The following RBFOX3 variants were observed in gnomAD, a reference collection of about 807,000 sequenced individuals.
RBFOX3 encodes the protein RNA binding protein fox-1 homolog 3.
Under a neutral mutation model 48.7 loss-of-function variants are expected in RBFOX3, and 17 were observed. The ratio of observed to expected loss-of-function variants is 0.35; its 90% CI spans 0.24 to 0.52. RBFOX3 has a LOEUF of 0.52. Ranked by LOEUF, RBFOX3 falls within the 20% of genes least tolerant of loss-of-function variation. RBFOX3 has a pLI of 0.94. For missense variants in RBFOX3, 382 were observed against 497.5 expected (o/e 0.77, Z 2.21); for synonymous variants, 212 against 209.5 (o/e 1.01, Z -0.10).
intron 4 of RBFOX3, among the ~76,000 whole-genome samples, chr17:79,141,801 C>T (rs1039081328): frequency 2.6e-5 from 4 of 152,086 alleles, no homozygotes; most frequent in Non-Finnish European, 5.9e-5. Flanking sequence ...CGACACAGTG[C>T]CCCCCGGTCG....
chr17:79,638,597 T>C, the RBFOX3 span, among the ~76,000 whole-genome samples: 1 of 152,192 alleles, frequency 6.6e-6, no homozygotes, highest in African/African-American at 2.4e-5. Context: ...CAATCTCATG[T>C]TGAAATCTGA....
At position 79,479,038 on chromosome 17, in the gene RBFOX3, C is replaced by T. The variant is rs2078392513; in HGVS notation, c.-175+3416G>A. 6.6e-6 allele frequency among the ~76,000 whole-genome samples: 1 copy of T among 152,180 alleles called. No individual in the cohort carries two copies. The highest frequency in any genetic ancestry group is 2.4e-5 in the African/African-American group (1 of 41,438). On this transcript the variant is annotated intron_variant, in intron 2 of 14. Transcript: ENST00000693108. The surrounding 1 kb of genome is among the most constrained non-coding windows in gnomAD (Gnocchi z 5.1). ...ATGGGGAGTCTCGGTCGAAGGGCTCCTTGCCAAGGCCATTCCTGAATCAGA... is the reference window on the plus strand; with the variant it reads ...ATGGGGAGTCTCGGTCGAAGGGCTCTTTGCCAAGGCCATTCCTGAATCAGA...
intron 4 of RBFOX3, among the ~76,000 whole-genome samples, chr17:79,169,061 C>T (rs1456989198): frequency 1.3e-5 from 2 of 152,198 alleles, no homozygotes; most frequent in Non-Finnish European, 2.9e-5. Context: ...TCCAAACAGC[C>T]CCCTGGCCCT....
At chr17:79,294,238 G>A (rs540709746) in intron 3 of RBFOX3, among the ~76,000 whole-genome samples, 173 of 152,312 alleles carry the variant, frequency 1.1e-3, no homozygotes, top group African/African-American at 3.4e-3. Flanking sequence ...GAGCAAGTTC[G>A]TCAGATTAGA....
intron 3 of RBFOX3, among the ~76,000 whole-genome samples, chr17:79,301,341 T>TCC (rs1197332755): frequency 6.6e-6 from 1 of 152,208 alleles, no homozygotes; most frequent in African/African-American, 2.4e-5. Flanking sequence ...GGTGAGCGGC[T>TCC]AATAGAACAC....
the RBFOX3 span, among the ~76,000 whole-genome samples, chr17:79,656,343 G>A: frequency 2.2e-4 from 34 of 152,324 alleles, no homozygotes; most frequent in African/African-American, 7.7e-4. Context: ...GCCGGGCACG[G>A]TGGCTCACAC....
At chr17:79,359,083 C>T (rs937889912) in intron 2 of RBFOX3, among the ~76,000 whole-genome samples, 7 of 152,194 alleles carry the variant, frequency 4.6e-5, no homozygotes, top group African/African-American at 1.7e-4. Flanking sequence ...ATCAACACAT[C>T]CTGTAATCCT....
chr17:79,178,109 G>C (rs1188052013), intron 4 of RBFOX3, among the ~76,000 whole-genome samples: 1 of 152,180 alleles, frequency 6.6e-6, no homozygotes, highest in Non-Finnish European at 1.5e-5. Flanking sequence ...TCACTGCCGG[G>C]CTCCTACGGG....
At chr17:79,231,768 C>T (rs1406083457) in intron 4 of RBFOX3, among the ~76,000 whole-genome samples, 1 of 152,154 alleles carries the variant, frequency 6.6e-6, no homozygotes, top group Non-Finnish European at 1.5e-5. Flanking sequence ...AAACCATAAA[C>T]CATTGATGAA....
At chr17:79,639,931 C>T in the RBFOX3 span, among the ~76,000 whole-genome samples, 1 of 152,194 alleles carries the variant, frequency 6.6e-6, no homozygotes, top group Non-Finnish European at 1.5e-5. Flanking sequence ...AGGATGCCCA[C>T]TCCCATCATT....
intron 2 of RBFOX3, among the ~76,000 whole-genome samples, chr17:79,406,142 G>A (rs1380867820): frequency 6.6e-6 from 1 of 152,154 alleles, no homozygotes; most frequent in African/African-American, 2.4e-5. Context: ...CAGAGCTGTT[G>A]GGAACATGCC....
At chr17:79,475,742 G>A (rs1414363908) in intron 2 of RBFOX3, among the ~76,000 whole-genome samples, 2 of 152,200 alleles carry the variant, frequency 1.3e-5, no homozygotes, top group Non-Finnish European at 2.9e-5. Flanking sequence ...CAGGCATGGG[G>A]GTGGGGTTGC....
intron 4 of RBFOX3, among the ~76,000 whole-genome samples, chr17:79,168,512 CTA>C (rs1225215926): frequency 6.6e-6 from 1 of 152,256 alleles, no homozygotes; most frequent in African/African-American, 2.4e-5. Flanking sequence ...CACGGCCGCC[CTA>C]TGTCCTGTGG....
rs116301031 is a variant in RBFOX3, at chr17:79,149,288, G to C, written c.-33-33540C>G. ...TAGAGCGTGGGAGGCAGCATCTCGG[G>C]ACCCCTCCCTGGCCCGGTGCAGCCA... On this transcript the variant is annotated intron_variant, in intron 4 of 14. Coordinates refer to ENST00000693108, the MANE Select transcript of RBFOX3 (RefSeq NM_001350451.2). Among the ~76,000 whole-genome samples the C allele has an allele frequency of 8.9e-3, 1,357 of 152,310 alleles. 5 individuals carry two copies. The highest frequency in any genetic ancestry group is 0.014 in the African/African-American group (568 of 41,560).
At chr17:79,257,245 A>AAGCCCCG (rs2065024251) in intron 3 of RBFOX3, among the ~76,000 whole-genome samples, 1 of 152,198 alleles carries the variant, frequency 6.6e-6, no homozygotes. Flanking sequence ...GTCCTTCCCC[A>AAGCCCCG]AGCCCCGAGC....
intron 4 of RBFOX3, among the ~76,000 whole-genome samples, chr17:79,172,841 T>C (rs192602120): frequency 2.2e-4 from 33 of 152,350 alleles, no homozygotes; most frequent in South Asian, 4.1e-4. Context: ...TTCTGGGGGA[T>C]AAGATTTGAG....
intron 2 of RBFOX3, among the ~76,000 whole-genome samples, chr17:79,454,930 C>T (rs2074216266): frequency 6.6e-6 from 1 of 152,242 alleles, no homozygotes. Flanking sequence ...ATACTGCCTA[C>T]CTGCACCCAC....
chr17:79,138,690 GGA>G (rs2040910445), intron 4 of RBFOX3, among the ~76,000 whole-genome samples: 1 of 27,036 alleles, frequency 3.7e-5, no homozygotes, highest in African/African-American at 8.8e-5. Flanking sequence ...CCATACACAT[GGA>G]CACAGCACAT....
chr17:79,099,480 C>CGTAA (rs2076020858), intron 9 of RBFOX3: 1 of 152,244 alleles, frequency 6.6e-6, no homozygotes, highest in Non-Finnish European at 1.5e-5. Context: ...ACTGACTCTT[C>CGTAA]TTACTAGAAG....
Sources: gnomAD v4.1 joint callset for allele counts (sites outside exome capture counted in the v4.1 genomes callset) on GRCh38, gnomAD v4.1.1 for gene constraint, Gnocchi (gnomAD v3.1) non-coding constraint, MANE v1.5 for transcripts, NCBI Gene and HGNC (gene_info 2026-07-23, HGNC 2026-07-21) for gene names.